Variants in DDR2 observed in about 807,000 individuals in gnomAD.
The protein encoded by DDR2 is discoidin domain-containing receptor 2.
In DDR2, 27 loss-of-function variants were observed where a neutral mutation model predicts 94.9. The observed-to-expected ratio is 0.28, with a 90% CI of 0.21 to 0.39. DDR2 has a LOEUF of 0.39. Among genes scored for constraint, DDR2 ranks in the 10% least tolerant of loss-of-function variants. DDR2 has a pLI of 1.00. For missense variants in DDR2, 783 were observed against 1,076.0 expected (o/e 0.73, Z 3.81); for synonymous variants, 382 against 377.2 (o/e 1.01, Z -0.15).
chr1:162,774,665 C>A (rs546498655), intron 14 of DDR2, among the ~76,000 whole-genome samples: 1 of 152,096 alleles, frequency 6.6e-6, no homozygotes, highest in East Asian at 1.9e-4. Context: ...AAAACCAAAC[C>A]AAACCACAGG....
At chr1:162,741,128 G>A (rs1043542600) in intron 3 of DDR2, among the ~76,000 whole-genome samples, 1 of 150,430 alleles carries the variant, frequency 6.6e-6, no homozygotes, top group African/African-American at 2.4e-5. Flanking sequence ...GGGACCAGAA[G>A]TGTTTCAGAT....
At chr1:162,704,138 G>T (rs189337297) in intron 2 of DDR2, among the ~76,000 whole-genome samples, 2 of 152,286 alleles carry the variant, frequency 1.3e-5, no homozygotes, top group Admixed American at 1.3e-4. Context: ...TCAAACAAAA[G>T]ATATTGGCAA....
chr1:162,766,101 G>A, intron 10 of DDR2, 38 bp downstream of exon 10: 1 of 1,604,900 alleles, frequency 6.2e-7, no homozygotes, highest in Non-Finnish European at 8.5e-7. Context: ...TAATTTGAAG[G>A]GACTTACTGG....
intron 2 of DDR2, among the ~76,000 whole-genome samples, chr1:162,683,339 G>T (rs1659505252): frequency 6.6e-6 from 1 of 151,936 alleles, no homozygotes; most frequent in Non-Finnish European, 1.5e-5. Context: ...TTATAGAAAA[G>T]AAATTAAAGG....
intron 2 of DDR2, among the ~76,000 whole-genome samples, chr1:162,683,175 G>A (rs1201207867): frequency 6.6e-6 from 1 of 152,076 alleles, no homozygotes; most frequent in Non-Finnish European, 1.5e-5. Context: ...CTCTCGGCAA[G>A]TTAGGAATAG....
intron 3 of DDR2, among the ~76,000 whole-genome samples, chr1:162,737,014 T>C (rs1434565794): frequency 6.6e-6 from 1 of 152,212 alleles, no homozygotes; most frequent in Non-Finnish European, 1.5e-5. Flanking sequence ...GATATGACTT[T>C]CATTTCTTTT....
At chr1:162,732,212 C>T (rs903036951) in intron 3 of DDR2, among the ~76,000 whole-genome samples, 1 of 152,122 alleles carries the variant, frequency 6.6e-6, no homozygotes, top group Non-Finnish European at 1.5e-5. Flanking sequence ...CCATTATACC[C>T]AAAGAATAGC....
chr1:162,755,060 A>T, intron 5 of DDR2, 96 bp from the exon 6 acceptor site: 1 of 1,565,012 alleles, frequency 6.4e-7, no homozygotes, highest in Non-Finnish European at 8.8e-7. Context: ...TGCTCCTCGA[A>T]TTAAGAAGAG....
chr1:162,683,873 T>C (rs531098344), intron 2 of DDR2, among the ~76,000 whole-genome samples: 4 of 152,176 alleles, frequency 2.6e-5, no homozygotes, highest in Non-Finnish European at 2.9e-5. Context: ...TTTTTTAAAA[T>C]AGATAGAAAG....
At chr1:162,690,962 C>T (rs2101976044) in intron 2 of DDR2, among the ~76,000 whole-genome samples, 1 of 152,272 alleles carries the variant, frequency 6.6e-6, no homozygotes, top group South Asian at 2.1e-4. Context: ...AGTTTTGGCT[C>T]TTGGGTTTGT....
At chr1:162,749,050 G>T (rs1663038896) in intron 3 of DDR2, among the ~76,000 whole-genome samples, 1 of 152,144 alleles carries the variant, frequency 6.6e-6, no homozygotes, top group Admixed American at 6.5e-5. Context: ...ACAAGAGAAA[G>T]CAGAAAAGAT....
rs2102150970 is a variant in DDR2, at chr1:162,759,960, G to A, written c.836G>A (p.Arg279Lys). 6.2e-7 allele frequency: 1 copy of A among 1,614,144 alleles called. No individual in the cohort carries two copies. Among genetic ancestry groups the A allele is most frequent in the South Asian group, 1.1e-5 (1 of 91,078 alleles). ...ATCATGTTTGAATTTGACCGCATCA[G>A]GAATTTCACTACCATGAAGGTCAGT... ...IEIMFEFDRI[R>K]NFTTMKVHCN... The change falls in exon 8 of 18, where the codon AGG (arginine) becomes AAG (lysine). Residue 279 changes from arginine (R) to lysine (K), a missense_variant. Transcript: ENST00000367921.
At chr1:162,743,927 T>G (rs1211454393) in intron 3 of DDR2, among the ~76,000 whole-genome samples, 3 of 152,246 alleles carry the variant, frequency 2.0e-5, no homozygotes, top group African/African-American at 4.8e-5. Context: ...ATTAACTTGT[T>G]TTTGTTTTCT....
At chr1:162,723,948 C>T (rs528871662) in intron 3 of DDR2, among the ~76,000 whole-genome samples, 50 of 152,308 alleles carry the variant, frequency 3.3e-4, no homozygotes, top group Middle Eastern at 3.4e-3. Context: ...CTTTTCTCCT[C>T]CTGGCCCCAA....
chr1:162,780,014 C>A (rs971072713), intron 17 of DDR2, 98 bp from the exon 18 acceptor site: 6 of 1,568,624 alleles, frequency 3.8e-6, no homozygotes, highest in Non-Finnish European at 5.2e-6. Context: ...GGGCAGGGGG[C>A]AAATCAAACC....
chr1:162,633,243 G>A (rs949947050), intron 1 of DDR2, among the ~76,000 whole-genome samples: 5 of 152,114 alleles, frequency 3.3e-5, no homozygotes, highest in African/African-American at 1.2e-4. Context: ...GCTGGCTCTG[G>A]GTGCCTTTCC....
chr1:162,689,907 T>C (rs1477462931), intron 2 of DDR2, among the ~76,000 whole-genome samples: 1 of 148,406 alleles, frequency 6.7e-6, no homozygotes. Flanking sequence ...CCCTAGCTGC[T>C]TGGGAGGCTG....
intron 2 of DDR2, among the ~76,000 whole-genome samples, chr1:162,705,952 T>C (rs1050442462): frequency 3.3e-5 from 5 of 152,216 alleles, no homozygotes; most frequent in Non-Finnish European, 5.9e-5. Context: ...TTCAGGGACT[T>C]ACAGTCTTGA....
intron 1 of DDR2, among the ~76,000 whole-genome samples, chr1:162,646,603 A>C (rs1370273514): frequency 6.6e-6 from 1 of 152,192 alleles, no homozygotes; most frequent in East Asian, 1.9e-4. Flanking sequence ...TACACACTAA[A>C]GCCTCTTCTT....
Sources: allele counts gnomAD v4.1 joint callset (sites outside exome capture counted in the v4.1 genomes callset), GRCh38; gene constraint gnomAD v4.1.1; transcripts MANE v1.5; gene names NCBI Gene and HGNC (gene_info 2026-07-23, HGNC 2026-07-21).